Variants in NRXN1 observed in about 807,000 individuals in gnomAD.
The protein encoded by NRXN1 is neurexin-1.
In NRXN1, 39 loss-of-function variants were observed where a neutral mutation model predicts 150.9. That is an observed-to-expected ratio of 0.26 (90% CI 0.20 to 0.34). The LOEUF is 0.34. Ranked by LOEUF, NRXN1 falls within the 10% of genes least tolerant of loss-of-function variation. The pLI is 1.00. For missense variants in NRXN1, 1,815 were observed against 1,949.9 expected (o/e 0.93, Z 1.30); for synonymous variants, 924 against 757.0 (o/e 1.22, Z -3.62).
intron 17 of NRXN1, among the ~76,000 whole-genome samples, chr2:50,242,671 C>G (rs997457170): frequency 2.0e-5 from 3 of 151,440 alleles, no homozygotes; most frequent in African/African-American, 7.3e-5. Flanking sequence ...AAGGCACAGC[C>G]CTCAATGTTA....
chr2:50,828,445 G>A (rs1297470106), intron 5 of NRXN1, among the ~76,000 whole-genome samples: 14 of 149,764 alleles, frequency 9.3e-5, no homozygotes, highest in African/African-American at 1.7e-4. Context: ...GGCGGCTGCC[G>A]GGCGGAGGGG....
At chr2:49,930,533 A>G (rs1237553394) in intron 22 of NRXN1, among the ~76,000 whole-genome samples, 1 of 152,248 alleles carries the variant, frequency 6.6e-6, no homozygotes, top group Admixed American at 6.5e-5. Flanking sequence ...AATAACATCT[A>G]TTAAATTTTT....
At chr2:50,773,780 T>C (rs1703285038) in intron 5 of NRXN1, among the ~76,000 whole-genome samples, 1 of 152,112 alleles carries the variant, frequency 6.6e-6, no homozygotes, top group South Asian at 2.1e-4. Flanking sequence ...AACTGAGGTG[T>C]GCTGGCAGAA....
At chr2:50,916,828 C>T (rs939240647) in intron 5 of NRXN1, 1 of 151,570 alleles carries the variant, frequency 6.6e-6, no homozygotes, top group Non-Finnish European at 1.5e-5. Flanking sequence ...GAAATACATT[C>T]AAGCTGGGAC....
intron 17 of NRXN1, among the ~76,000 whole-genome samples, chr2:50,375,614 G>A (rs2080430210): frequency 6.6e-6 from 1 of 150,936 alleles, no homozygotes; most frequent in African/African-American, 2.4e-5. Context: ...ATCTTTGTAT[G>A]TGAAAGTAAG....
chr2:50,614,526 T>C (rs955397567), intron 8 of NRXN1, among the ~76,000 whole-genome samples: 1 of 151,552 alleles, frequency 6.6e-6, no homozygotes, highest in Non-Finnish European at 1.5e-5. Flanking sequence ...TTAGGAGATA[T>C]ACCTAATGTA....
At chr2:50,600,818 T>G (rs1676144124) in intron 8 of NRXN1, among the ~76,000 whole-genome samples, 1 of 152,226 alleles carries the variant, frequency 6.6e-6, no homozygotes, top group Non-Finnish European at 1.5e-5. Flanking sequence ...TGAGATATGC[T>G]GGTAGAATCC....
intron 18 of NRXN1, among the ~76,000 whole-genome samples, chr2:50,107,125 G>A (rs1701756505): frequency 6.6e-6 from 1 of 151,946 alleles, no homozygotes; most frequent in Admixed American, 6.6e-5. Flanking sequence ...ATGGAAAGGT[G>A]AGCCTTGCGG....
chr2:50,119,518 A>C (rs1391076236), intron 18 of NRXN1, among the ~76,000 whole-genome samples: 1 of 151,974 alleles, frequency 6.6e-6, no homozygotes, highest in Admixed American at 6.6e-5. Flanking sequence ...GAGATGCAAA[A>C]CCTTACTGTA....
At chr2:50,028,609 T>C (rs919494244) in intron 21 of NRXN1, among the ~76,000 whole-genome samples, 5 of 152,248 alleles carry the variant, frequency 3.3e-5, no homozygotes, top group Non-Finnish European at 7.3e-5. Flanking sequence ...GCACACCACC[T>C]AGGCCTTATC....
intron 17 of NRXN1, among the ~76,000 whole-genome samples, chr2:50,286,048 C>G (rs1206963723): frequency 6.6e-6 from 1 of 152,022 alleles, no homozygotes; most frequent in Non-Finnish European, 1.5e-5. Flanking sequence ...TTAACACATA[C>G]AACATATTCT....
At chr2:50,974,753 T>C (rs1459202380) in intron 2 of NRXN1, among the ~76,000 whole-genome samples, 4 of 152,112 alleles carry the variant, frequency 2.6e-5, no homozygotes, top group African/African-American at 9.7e-5. Flanking sequence ...TTTGAGAATG[T>C]AAATTTCAAG....
intron 17 of NRXN1, among the ~76,000 whole-genome samples, chr2:50,443,983 T>C (rs1456379585): frequency 6.6e-6 from 1 of 152,194 alleles, no homozygotes; most frequent in Admixed American, 6.5e-5. Context: ...AAAATTTGAT[T>C]TGAATTCTTG....
intron 17 of NRXN1, among the ~76,000 whole-genome samples, chr2:50,336,436 T>A (rs1051034262): frequency 2.6e-5 from 4 of 152,260 alleles, no homozygotes; most frequent in African/African-American, 9.6e-5. Context: ...GGCTTCATAA[T>A]TAAGAGACCA....
At chr2:50,686,591 C>T (rs1460744223) in intron 5 of NRXN1, among the ~76,000 whole-genome samples, 1 of 152,166 alleles carries the variant, frequency 6.6e-6, no homozygotes, top group Non-Finnish European at 1.5e-5. Context: ...TAAAATGCTA[C>T]ATAAGACCAC....
chr2:50,529,390 T>TTTATTGATTTTCCC (rs530302992), intron 11 of NRXN1, among the ~76,000 whole-genome samples: 165 of 152,316 alleles, frequency 1.1e-3, no homozygotes, highest in African/African-American at 3.9e-3. Context: ...TTGATTTTCC[T>TTTATTGATTTTCCC]TTCTTGATTT....
At chr2:50,742,641 T>G (rs939565432) in intron 5 of NRXN1, among the ~76,000 whole-genome samples, 1 of 150,736 alleles carries the variant, frequency 6.6e-6, no homozygotes, top group African/African-American at 2.4e-5. Flanking sequence ...GAAACCCAAG[T>G]CTATATGATT....
chr2:50,474,682 G>GAAAAAAAA (rs1558794690), intron 15 of NRXN1, among the ~76,000 whole-genome samples: 1 of 4,174 alleles, frequency 2.4e-4, no homozygotes, highest in African/African-American at 5.1e-4. Flanking sequence ...CACAGAAATA[G>GAAAAAAAA]CAAAAAAAAA....
intron 18 of NRXN1, among the ~76,000 whole-genome samples, chr2:50,183,477 C>CA (rs1488428138): frequency 6.6e-6 from 1 of 151,346 alleles, no homozygotes; most frequent in Non-Finnish European, 1.5e-5. Flanking sequence ...TTTTATTTAT[C>CA]AAAAAAGTCA....
Sources: gnomAD v4.1 joint callset for allele counts (sites outside exome capture counted in the v4.1 genomes callset) on GRCh38, gnomAD v4.1.1 for gene constraint, MANE v1.5 for transcripts, NCBI Gene and HGNC (gene_info 2026-07-23, HGNC 2026-07-21) for gene names.